The following ZBTB40 variants were observed in gnomAD, a reference collection of about 807,000 sequenced individuals.
ZBTB40 encodes the protein zinc finger and BTB domain containing 40.
ZBTB40 carries 60 observed loss-of-function variants against 117.5 expected under a neutral mutation model. The ratio of observed to expected loss-of-function variants is 0.51; its 90% CI spans 0.41 to 0.63. ZBTB40 has a LOEUF of 0.63. Ranked by LOEUF, ZBTB40 falls within the 30% of genes least tolerant of loss-of-function variation. The pLI is 0.00. For missense variants in ZBTB40, 1,287 were observed against 1,498.5 expected (o/e 0.86, Z 2.33); for synonymous variants, 525 against 577.1 (o/e 0.91, Z 1.29).
Position 22,490,163 on chromosome 1 carries a change from C to T in ZBTB40, c.215C>T (p.Ala72Val), listed in dbSNP as rs912482215. The T allele has an allele frequency of 7.4e-6, 12 of 1,614,030 alleles. No homozygotes were observed. Among genetic ancestry groups the T allele is most frequent in the East Asian group, 2.2e-5 (1 of 44,896 alleles). The change falls in exon 2 of 18, where the codon GCG becomes GTG. Residue 72 changes from alanine to valine, a missense_variant. Physicochemically the swap from Ala to Val is moderately conservative, Grantham distance 64. Coordinates refer to ENST00000375647, the MANE Select transcript of ZBTB40 (RefSeq NM_014870.4). The stretch of plus-strand genomic sequence containing the variant: ...TCTGTGGTGAGCCCCGAGGAGTTTG[C>T]GCTCTTGTTGGAAATGATGTACACG... Reference protein sequence around the residue: ...DASVVSPEEFALLLEMMYTGK... With the variant: ...DASVVSPEEFVLLLEMMYTGK...
At chr1:22,452,381 T>G (rs372240152) in intron 1 of ZBTB40, among the ~76,000 whole-genome samples, 5 of 152,264 alleles carry the variant, frequency 3.3e-5, no homozygotes, top group Non-Finnish European at 5.9e-5. Context: ...GACTATGGCC[T>G]TGGGCCTAAT....
chr1:22,469,616 G>A (rs907888922), intron 1 of ZBTB40, among the ~76,000 whole-genome samples: 3 of 152,090 alleles, frequency 2.0e-5, no homozygotes, highest in African/African-American at 4.8e-5. Context: ...GAGTGCAGTG[G>A]TGCGATCTTG....
In ZBTB40 at chr1:22,511,286, G is replaced by A. The variant is rs1639224843; in HGVS notation, c.1941G>A (p.Leu647=). 3 of 1,613,948 alleles carry A rather than the reference G, an allele frequency of 1.9e-6. No homozygotes were observed. The highest frequency in any genetic ancestry group is 2.2e-5 in the East Asian group (1 of 44,876). The stretch of plus-strand genomic sequence containing the variant: ...CGGCCATTGAAATATGCCACCTCCT[G>A]TGCAGTGTCCACAAATCTTTTCCAG... The part of the protein sequence containing the change: ...SVPAIEICHL[L]CSVHKSFPGL... The change falls in exon 10 of 18, where the codon CTG becomes CTA. Residue 647 remains leucine, a synonymous_variant. Coordinates refer to ENST00000375647, the MANE Select transcript of ZBTB40 (RefSeq NM_014870.4).
chr1:22,483,439 A>G (rs1638381752), intron 1 of ZBTB40, among the ~76,000 whole-genome samples: 1 of 152,224 alleles, frequency 6.6e-6, no homozygotes, highest in South Asian at 2.1e-4. Context: ...GTTTCTCTAC[A>G]TCCTCGTCAG....
In ZBTB40 at chr1:22,490,417, C is replaced by A. The variant is rs373611816; in HGVS notation, c.469C>A (p.Pro157Thr). ...EILSSEGAGEPHSSPELAATP... is the reference protein window; with the variant it reads ...EILSSEGAGETHSSPELAATP... ...CCTTTCATCTGAAGGTGCTGGAGAG[C>A]CTCATTCTTCCCCAGAGCTTGCTGC... The change falls in exon 2 of 18, where the codon CCT becomes ACT. Residue 157 changes from proline to threonine, a missense_variant. Physicochemically the swap from Pro to Thr is conservative, Grantham distance 38. Around this residue, in one of 2 missense-constraint regions of ZBTB40, gnomAD observed 870 missense variants for 934.4 expected, o/e 0.93. Transcript: ENST00000375647. The A allele has an allele frequency of 4.3e-6, 7 of 1,610,204 alleles. No homozygotes were observed. The Admixed American group carries it at 8.4e-5, about 19-fold the overall frequency.
At chr1:22,433,770 G>A (rs911530802) in intron 1 of ZBTB40, among the ~76,000 whole-genome samples, 6 of 151,444 alleles carry the variant, frequency 4.0e-5, no homozygotes, top group African/African-American at 4.8e-5. Context: ...AATACAGCCT[G>A]GGTGACAGAG....
intron 1 of ZBTB40, among the ~76,000 whole-genome samples, chr1:22,471,769 A>G (rs1259215188): frequency 2.6e-5 from 4 of 152,226 alleles, no homozygotes; most frequent in Admixed American, 6.5e-5. Context: ...TGCTGAACAC[A>G]TGACACCTGA....
chr1:22,516,083 G>C (rs537570103), intron 12 of ZBTB40, among the ~76,000 whole-genome samples: 1 of 152,302 alleles, frequency 6.6e-6, no homozygotes, highest in South Asian at 2.1e-4. Context: ...GTGAAGGAAA[G>C]AAAGGAACTA....
chr1:22,515,017 T>C (rs1279981950), intron 12 of ZBTB40, among the ~76,000 whole-genome samples: 3 of 152,228 alleles, frequency 2.0e-5, no homozygotes, highest in Admixed American at 6.5e-5. Context: ...GTTATTACTA[T>C]GAAGAAGCAT....
Position 22,513,319 on chromosome 1 carries a change from G to A in ZBTB40, c.2668+189G>A, listed in dbSNP as rs1206625073. ...AATTTGGATTATTTATTACACAGAG[G>A]ATAAATGCTGGAGGGGATGGATCTC... On this transcript the variant is annotated intron_variant, in intron 12 of 17. Transcript: ENST00000375647. This position sits in a 1 kb window ranked among gnomAD's most constrained non-coding sequence, Gnocchi z 4.9. 1.3e-5 allele frequency among the ~76,000 whole-genome samples: 2 copies of A among 152,168 alleles called. No homozygotes were observed. The highest frequency in any genetic ancestry group is 4.8e-5 in the African/African-American group (2 of 41,434).
intron 1 of ZBTB40, among the ~76,000 whole-genome samples, chr1:22,465,759 G>C (rs1005435029): frequency 6.6e-6 from 1 of 152,110 alleles, no homozygotes; most frequent in African/African-American, 2.4e-5. Flanking sequence ...CCATGGTTTG[G>C]GGGGTTTCAG....
Position 22,490,529 on chromosome 1 carries a change from A to T in ZBTB40, c.581A>T (p.Gln194Leu). 1 of 1,611,140 alleles carries T rather than the reference A, an allele frequency of 6.2e-7. No individual in the cohort carries two copies. The highest frequency in any genetic ancestry group is 8.5e-7 in the Non-Finnish European group (1 of 1,178,458). The change falls in exon 2 of 18, where the codon CAG becomes CTG. Residue 194 changes from glutamine (Q) to leucine (L), a missense_variant. Around this residue, in one of 2 missense-constraint regions of ZBTB40, gnomAD observed 870 missense variants for 934.4 expected, o/e 0.93. Coordinates refer to ENST00000375647, the MANE Select transcript of ZBTB40 (RefSeq NM_014870.4). ...ATGAGTGTGAATTCTCCCACAGCCC[A>T]GGAGAGCCAGAGGAATGCAGAAACC... ...QEMSVNSPTA[Q>L]ESQRNAETPA... is the part of the protein sequence containing the mutation.
intron 12 of ZBTB40, among the ~76,000 whole-genome samples, chr1:22,516,960 A>C (rs756760868): frequency 7.9e-5 from 12 of 152,164 alleles, no homozygotes; most frequent in Non-Finnish European, 1.3e-4. Context: ...ATCCAAACCC[A>C]CGTGTTTCTG....
chr1:22,439,034 A>C (rs1486139448), intron 1 of ZBTB40, among the ~76,000 whole-genome samples: 1 of 151,884 alleles, frequency 6.6e-6, no homozygotes, highest in Non-Finnish European at 1.5e-5. Flanking sequence ...CGTCCAGCTA[A>C]TTTTTGTATT....
chr1:22,512,139 G>A lies in ZBTB40; in HGVS notation c.2461+5G>A, dbSNP rs374089939. ...GAGAATTTGCCCATGCCTCAGGTAC[G>A]TTCAAGAAGGCAAAGGAACAGAGGA... On this transcript the variant is annotated splice_donor_5th_base_variant and intron_variant, in intron 11 of 17. Transcript: ENST00000375647. 46 of 1,612,510 alleles carry A rather than the reference G, an allele frequency of 2.9e-5. No individual in the cohort carries two copies. The highest frequency in any genetic ancestry group is 3.7e-5 in the Non-Finnish European group (44 of 1,180,004).
At chr1:22,459,478 T>C (rs1480337933) in intron 1 of ZBTB40, among the ~76,000 whole-genome samples, 2 of 152,248 alleles carry the variant, frequency 1.3e-5, no homozygotes, top group Non-Finnish European at 2.9e-5. Context: ...CTTCACTGAT[T>C]TGAGATGCTG....
intron 3 of ZBTB40, among the ~76,000 whole-genome samples, chr1:22,491,839 A>G (rs2124432511): frequency 6.6e-6 from 1 of 152,326 alleles, no homozygotes; most frequent in South Asian, 2.1e-4. Context: ...GAAGGTAGCC[A>G]TGTATAACCT....
intron 3 of ZBTB40, among the ~76,000 whole-genome samples, chr1:22,495,260 GA>G (rs917832393): frequency 3.3e-5 from 5 of 152,204 alleles, no homozygotes; most frequent in Admixed American, 1.3e-4. Context: ...AGCAACATGA[GA>G]AGAAGCTGGG....
intron 1 of ZBTB40, among the ~76,000 whole-genome samples, chr1:22,435,563 A>C (rs1166776022): frequency 2.0e-5 from 3 of 152,108 alleles, no homozygotes; most frequent in Non-Finnish European, 4.4e-5. Context: ...ATTGTACAGA[A>C]TAATACCTTC....
Sources: allele counts gnomAD v4.1 joint callset (sites outside exome capture counted in the v4.1 genomes callset), GRCh38; gene constraint gnomAD v4.1.1; regional missense constraint gnomAD v4.1.1; non-coding constraint Gnocchi (gnomAD v3.1); transcripts MANE v1.5; gene names NCBI Gene and HGNC (gene_info 2026-07-23, HGNC 2026-07-21).